NTNG1: variants seen among roughly 807,000 people sequenced by gnomAD.
NTNG1 encodes the protein netrin-G1.
A neutral mutation model predicts 54.0 loss-of-function variants in NTNG1; 16 were observed. The ratio of observed to expected loss-of-function variants is 0.30; its 90% CI spans 0.20 to 0.45. The LOEUF is 0.45. NTNG1 is among the 20% of genes least tolerant of loss of function. NTNG1 has a pLI of 1.00. For missense variants in NTNG1, 530 were observed against 678.7 expected, an observed-to-expected ratio of 0.78 and a Z score of 2.43; for synonymous variants, 255 against 263.1, an observed-to-expected ratio of 0.97 and a Z score of 0.30.
At chr1:107,234,442 G>A (rs781389415) in intron 2 of NTNG1, among the ~76,000 whole-genome samples, 2 of 151,248 alleles carry the variant, frequency 1.3e-5, no homozygotes, top group Admixed American at 6.6e-5. Context: ...TTTTTTTTTC[G>A]GAAATGTATG....
chr1:107,439,510 T>A (rs1408566694), intron 7 of NTNG1, among the ~76,000 whole-genome samples: 1 of 152,078 alleles, frequency 6.6e-6, no homozygotes. Context: ...AAGATTATTC[T>A]AGCTACTAAG....
chr1:107,370,463 GTATA>G (rs367691961), intron 3 of NTNG1, among the ~76,000 whole-genome samples: 2,361 of 151,794 alleles, frequency 0.016, 49 homozygotes, highest in African/African-American at 0.053. Context: ...CACCCAAGCA[GTATA>G]TATACACTGA....
rs1667826897 is a variant in NTNG1, at chr1:107,324,400, C to G, written c.365C>G (p.Thr122Ser). The G allele has an allele frequency of 1.2e-6, 2 of 1,613,828 alleles. No homozygotes were observed. The highest frequency in any genetic ancestry group is 8.5e-7 in the Non-Finnish European group (1 of 1,179,828). The change falls in exon 3 of 8, where the codon ACT (threonine) becomes AGT (serine). Residue 122 changes from threonine to serine, a missense_variant. Thr to Ser is a moderately conservative substitution (Grantham distance 58). This residue lies in a region of NTNG1 where 318 missense variants were observed against 465.1 expected (regional missense o/e 0.68). Coordinates refer to ENST00000370068, the MANE Select transcript of NTNG1 (RefSeq NM_001113226.3). ...RHPSTFWQSA[T>S]WKEYPKPLQV... ...CCCTCCACATTTTGGCAGTCTGCCACTTGGAAGGAGTATCCCAAGCCTCTC... is the reference window on the plus strand; with the variant it reads ...CCCTCCACATTTTGGCAGTCTGCCAGTTGGAAGGAGTATCCCAAGCCTCTC...
At chr1:107,467,152 GTTTA>G (rs1438375430) in intron 7 of NTNG1, among the ~76,000 whole-genome samples, 1 of 151,678 alleles carries the variant, frequency 6.6e-6, no homozygotes, top group Non-Finnish European at 1.5e-5. Flanking sequence ...AAGAGCTCTT[GTTTA>G]TTTTTCTCAT....
intron 5 of NTNG1, among the ~76,000 whole-genome samples, chr1:107,413,356 C>T (rs769372621): frequency 6.6e-6 from 1 of 151,682 alleles, no homozygotes. Flanking sequence ...TTAGTAGAGA[C>T]GGGGTCTCAC....
At chr1:107,207,373 A>C (rs938431821) in intron 2 of NTNG1, among the ~76,000 whole-genome samples, 6 of 152,190 alleles carry the variant, frequency 3.9e-5, no homozygotes, top group African/African-American at 1.4e-4. Flanking sequence ...ACACTGAAAA[A>C]ATGACTTTCA....
chr1:107,453,215 T>C (rs74108749), intron 7 of NTNG1, among the ~76,000 whole-genome samples: 1,920 of 152,330 alleles, frequency 0.013, 34 homozygotes, highest in African/African-American at 0.029. Flanking sequence ...AGCAGCACAG[T>C]AAACTTCAAG....
intron 2 of NTNG1, among the ~76,000 whole-genome samples, chr1:107,162,810 A>G (rs1281481184): frequency 6.6e-6 from 1 of 152,116 alleles, no homozygotes; most frequent in African/African-American, 2.4e-5. Context: ...TCATTACTAG[A>G]CTATAACAAT....
intron 2 of NTNG1, among the ~76,000 whole-genome samples, chr1:107,267,553 T>C (rs1663832625): frequency 6.6e-6 from 1 of 152,154 alleles, no homozygotes; most frequent in African/African-American, 2.4e-5. Flanking sequence ...TCTAACTTCT[T>C]TCAGATCTAC....
intron 4 of NTNG1, among the ~76,000 whole-genome samples, chr1:107,401,411 C>T (rs373397199): frequency 6.6e-6 from 1 of 152,120 alleles, no homozygotes. Flanking sequence ...CCTCATCTGA[C>T]CAGATATGAT....
chr1:107,184,509 C>T (rs1657308492), intron 2 of NTNG1, among the ~76,000 whole-genome samples: 1 of 152,072 alleles, frequency 6.6e-6, no homozygotes, highest in Non-Finnish European at 1.5e-5. Flanking sequence ...AGACCTCACC[C>T]CCTTCATTTT....
intron 7 of NTNG1, among the ~76,000 whole-genome samples, chr1:107,463,340 A>G (rs1234219579): frequency 6.6e-6 from 1 of 152,098 alleles, no homozygotes; most frequent in Non-Finnish European, 1.5e-5. Flanking sequence ...GCTCTTGGCA[A>G]TATAGTTAAG....
chr1:107,233,634 G>A (rs12082316), intron 2 of NTNG1, among the ~76,000 whole-genome samples: 4,373 of 152,222 alleles, frequency 0.029, 173 homozygotes, highest in African/African-American at 0.09. Flanking sequence ...GTCTTTCACT[G>A]TTCCCCACAT....
intron 2 of NTNG1, among the ~76,000 whole-genome samples, chr1:107,263,532 T>C (rs1663512663): frequency 6.6e-6 from 1 of 152,192 alleles, no homozygotes; most frequent in South Asian, 2.1e-4. Flanking sequence ...ATTAGCACTT[T>C]GGGGAGGTTG....
chr1:107,219,558 A>G (rs1660205643), intron 2 of NTNG1, among the ~76,000 whole-genome samples: 1 of 152,164 alleles, frequency 6.6e-6, no homozygotes, highest in Non-Finnish European at 1.5e-5. Flanking sequence ...GGGAAGATAT[A>G]GGACTTAAGG....
At chr1:107,356,985 A>C (rs1047616055) in intron 3 of NTNG1, among the ~76,000 whole-genome samples, 3 of 152,200 alleles carry the variant, frequency 2.0e-5, no homozygotes, top group Non-Finnish European at 4.4e-5. Context: ...CCTGGGCAAC[A>C]AGGTGAGACT....
chr1:107,404,461 A>G (rs1673273330), intron 4 of NTNG1, among the ~76,000 whole-genome samples: 1 of 152,176 alleles, frequency 6.6e-6, no homozygotes. Flanking sequence ...ATATCCATTA[A>G]TCCTGAACTC....
chr1:107,434,009 A>T (rs114013584), intron 6 of NTNG1, among the ~76,000 whole-genome samples: 1 of 152,250 alleles, frequency 6.6e-6, no homozygotes, highest in Non-Finnish European at 1.5e-5. Context: ...CATTTTGTAT[A>T]GAAAGCACTA....
At chr1:107,229,841 T>C (rs1035782674) in intron 2 of NTNG1, among the ~76,000 whole-genome samples, 5 of 152,082 alleles carry the variant, frequency 3.3e-5, no homozygotes, top group Non-Finnish European at 5.9e-5. Flanking sequence ...GCGATGATCC[T>C]CTGAGAGACA....
Sources: allele counts gnomAD v4.1 joint callset (sites outside exome capture counted in the v4.1 genomes callset), GRCh38; gene constraint gnomAD v4.1.1; regional missense constraint gnomAD v4.1.1; transcripts MANE v1.5; gene names NCBI Gene and HGNC (gene_info 2026-07-23, HGNC 2026-07-21).